The following CCDC40 variants were observed in gnomAD, a reference collection of about 807,000 sequenced individuals.
CCDC40 encodes the protein coiled-coil domain-containing protein 40.
A neutral mutation model predicts 124.5 loss-of-function variants in CCDC40; 104 were observed. The ratio of observed to expected loss-of-function variants is 0.84; its 90% confidence interval spans 0.71 to 0.98. CCDC40 has a LOEUF of 0.98. CCDC40 is among the 50% of genes least tolerant of loss of function. CCDC40 has a pLI of 0.00. For missense variants in CCDC40, 1,463 were observed against 1,503.9 expected (o/e 0.97, Z 0.45); for synonymous variants, 580 against 602.9 (o/e 0.96, Z 0.56).
intron 10 of CCDC40, among the ~76,000 whole-genome samples, chr17:80,069,346 T>C (rs1211775681): frequency 1.3e-5 from 2 of 152,200 alleles, no homozygotes; most frequent in Non-Finnish European, 2.9e-5. Flanking sequence ...TCTTGGCTGC[T>C]TTTTCTTGCT....
intron 10 of CCDC40, among the ~76,000 whole-genome samples, chr17:80,072,417 C>T (rs1187137901): frequency 6.6e-6 from 1 of 152,064 alleles, no homozygotes; most frequent in Non-Finnish European, 1.5e-5. Context: ...ACACATTTCC[C>T]CGAGTGTTAG....
At chr17:80,061,748 G>A (rs756640912) in intron 9 of CCDC40, among the ~76,000 whole-genome samples, 4 of 152,206 alleles carry the variant, frequency 2.6e-5, no homozygotes, top group Non-Finnish European at 4.4e-5. Context: ...AGTTGGCAAA[G>A]ATAAGGAGAG....
intron 7 of CCDC40, among the ~76,000 whole-genome samples, chr17:80,054,086 A>G (rs907263373): frequency 2.0e-5 from 3 of 152,230 alleles, no homozygotes; most frequent in Non-Finnish European, 4.4e-5. Context: ...GCAGAAAAAT[A>G]AACCAATAAA....
chr17:80,075,976 T>C (rs2143717858), intron 10 of CCDC40, among the ~76,000 whole-genome samples: 1 of 152,310 alleles, frequency 6.6e-6, no homozygotes, highest in Non-Finnish European at 1.5e-5. Context: ...GCTGTGTTCA[T>C]ATGATCAAAC....
intron 12 of CCDC40, among the ~76,000 whole-genome samples, chr17:80,082,674 A>G (rs2038483525): frequency 6.6e-6 from 1 of 151,940 alleles, no homozygotes; most frequent in African/African-American, 2.4e-5. Context: ...GTGGGAAAGG[A>G]GCTGGCCAGG....
chr17:80,086,422 G>C lies in CCDC40; in HGVS notation c.2449+206G>C. 1 of 571,980 alleles carries C rather than the reference G, an allele frequency of 1.7e-6. No individual in the cohort carries two copies. Among genetic ancestry groups the C allele is most frequent in the East Asian group, 3.0e-5 (1 of 32,794 alleles). 35.4% of individuals were successfully genotyped at this position (571,980 alleles called of 1,614,324 possible). On this transcript the variant is annotated intron_variant, in intron 14 of 19. Transcript: ENST00000397545. This position sits in a 1 kb window ranked among gnomAD's most constrained non-coding sequence, Gnocchi z 5.5. ...CCCAGTTCGCAGTCACAGCGGGAGG[G>C]TTGAGAAATGTCACGAAATGGCTCC...
At chr17:80,081,810 C>T (rs2038456744) in intron 11 of CCDC40, 21 bp downstream of exon 11, 11 of 1,613,866 alleles carry the variant, frequency 6.8e-6, no homozygotes, top group Admixed American at 1.7e-5. Flanking sequence ...GCCCGCCCCA[C>T]AGGTCACACC....
At chr17:80,041,811 G>A (rs912592401) in intron 3 of CCDC40, among the ~76,000 whole-genome samples, 8 of 152,126 alleles carry the variant, frequency 5.3e-5, no homozygotes, top group South Asian at 2.1e-4. Flanking sequence ...CGGAAGCGAC[G>A]TGGGGCTCTC....
chr17:80,049,992 G>A lies in CCDC40; in HGVS notation c.939+3G>A, dbSNP rs758575708. On this transcript the variant is annotated splice_donor_region_variant and intron_variant, in intron 6 of 19. Coordinates refer to ENST00000397545, the MANE Select transcript of CCDC40 (RefSeq NM_017950.4). Reference sequence around the variant, plus strand: ...TGAAGCTGGACCTCCAAGAGCTGGTGTGTATCCGTCCAGTCTCCCACCCTG... The same window carrying A: ...TGAAGCTGGACCTCCAAGAGCTGGTATGTATCCGTCCAGTCTCCCACCCTG... The A allele has an allele frequency of 2.5e-6, 4 of 1,614,078 alleles. No individual in the cohort carries two copies. The highest frequency in any genetic ancestry group is 1.7e-5 in the Admixed American group (1 of 60,018).
intron 10 of CCDC40, among the ~76,000 whole-genome samples, chr17:80,077,196 T>G (rs546339204): frequency 3.3e-5 from 5 of 152,284 alleles, no homozygotes; most frequent in Non-Finnish European, 5.9e-5. Context: ...ACCTGCAGTA[T>G]CTCCAAGGTT....
At chr17:80,098,788 T>C (rs937249100) in intron 19 of CCDC40, 6 of 149,980 alleles carry the variant, frequency 4.0e-5, no homozygotes, top group African/African-American at 1.5e-4. Context: ...AAAATACAAA[T>C]ATTAGCCAGG....
chr17:80,056,818 T>A (rs562757882), intron 7 of CCDC40, among the ~76,000 whole-genome samples: 2 of 151,548 alleles, frequency 1.3e-5, no homozygotes, highest in East Asian at 3.9e-4. Context: ...GGCAAGCGGA[T>A]CACAAGGTCA....
At chr17:80,048,209 G>A (rs906146565) in intron 4 of CCDC40, among the ~76,000 whole-genome samples, 2 of 152,144 alleles carry the variant, frequency 1.3e-5, no homozygotes, top group Non-Finnish European at 1.5e-5. Context: ...GCAGTGAGCC[G>A]AGATCACGCC....
At chr17:80,064,078 A>C (rs1011071378) in intron 9 of CCDC40, among the ~76,000 whole-genome samples, 1 of 150,526 alleles carries the variant, frequency 6.6e-6, no homozygotes, top group Non-Finnish European at 1.5e-5. Context: ...AATCCTAAGT[A>C]AGCGTCTGTG....
Position 80,089,823 on chromosome 17 carries a change from T to C in CCDC40, c.2771T>C (p.Val924Ala). 6.2e-7 allele frequency: 1 copy of C among 1,614,200 alleles called. No homozygotes were observed. Among genetic ancestry groups the C allele is most frequent in the Non-Finnish European group, 8.5e-7 (1 of 1,180,022 alleles). The part of the protein sequence containing the change: ...IQLAKEMRSS[V>A]DSEIGQTEIR... The stretch of plus-strand genomic sequence containing the variant: ...CTGGCAAAAGAGATGCGTTCCTCAG[T>C]GGATTCCGAGATCGGCCAGACGGAG... Residue 924 changes from valine to alanine, a missense_variant, in exon 17 of 20, where the codon GTG becomes GCG. By Grantham distance (64) the Val-to-Ala change is moderately conservative. Coordinates refer to ENST00000397545, the MANE Select transcript of CCDC40 (RefSeq NM_017950.4).
At chr17:80,047,548 A>G in intron 4 of CCDC40, 146 bp downstream of exon 4, 2 of 775,072 alleles carry the variant, frequency 2.6e-6, no homozygotes, top group East Asian at 2.7e-5. Context: ...ATTAACAGAT[A>G]TGGATAACAT....
chr17:80,057,038 C>A (rs75300956), intron 7 of CCDC40, among the ~76,000 whole-genome samples: 910 of 109,480 alleles, frequency 8.3e-3, no homozygotes, highest in African/African-American at 0.013. Context: ...GACTCTGTCT[C>A]AAAAAAAAAA....
At chr17:80,044,668 G>A (rs1481688480) in intron 3 of CCDC40, among the ~76,000 whole-genome samples, 2 of 144,274 alleles carry the variant, frequency 1.4e-5, no homozygotes, top group African/African-American at 5.4e-5. Flanking sequence ...GGGAGACAGA[G>A]CGAGACCCCA....
intron 3 of CCDC40, among the ~76,000 whole-genome samples, chr17:80,044,459 G>A (rs747063933): frequency 3.9e-5 from 6 of 152,146 alleles, no homozygotes; most frequent in South Asian, 4.1e-4. Flanking sequence ...CGATGCAGGC[G>A]GATCACTTGA....
Sources: gnomAD v4.1 joint callset for allele counts (sites outside exome capture counted in the v4.1 genomes callset) on GRCh38, gnomAD v4.1.1 for gene constraint, Gnocchi (gnomAD v3.1) non-coding constraint, MANE v1.5 for transcripts, NCBI Gene and HGNC (gene_info 2026-07-23, HGNC 2026-07-21) for gene names.